The following IL34 variants were observed in gnomAD, a reference collection of about 807,000 sequenced individuals.
IL34 encodes the protein interleukin 34.
In IL34, 17 loss-of-function variants were observed where a neutral mutation model predicts 25.3. The ratio of observed to expected loss-of-function variants is 0.67; its 90% CI spans 0.46 to 1.01. The LOEUF is 1.01. Ranked by LOEUF, IL34 falls within the 50% of genes least tolerant of loss-of-function variation. The probability of loss-of-function intolerance (pLI) is 0.00; values close to 1 mark genes in which losing one functional copy is unlikely to be tolerated. For synonymous variants in IL34, 174 were observed against 140.9 expected, an observed-to-expected ratio of 1.23 and a Z score of -1.66; for missense variants, 368 against 312.9, an observed-to-expected ratio of 1.18 and a Z score of -1.33.
At chr16:70,594,939 C>A (rs986775792) in intron 1 of IL34, among the ~76,000 whole-genome samples, 12 of 145,890 alleles carry the variant, frequency 8.2e-5, no homozygotes, top group African/African-American at 2.2e-4. Context: ...CAATTTATCT[C>A]TCTCTCTCTC....
intron 1 of IL34, among the ~76,000 whole-genome samples, chr16:70,626,450 G>A (rs1461486400): frequency 6.6e-6 from 1 of 151,998 alleles, no homozygotes; most frequent in African/African-American, 2.4e-5. Flanking sequence ...AGGCTGGAAT[G>A]GAATGGTGCA....
Position 70,646,639 on chromosome 16 carries a change from C to A in IL34, c.-309C>A. 1 of 406,220 alleles carries A rather than the reference C, an allele frequency of 2.5e-6. No individual in the cohort carries two copies. Among genetic ancestry groups the A allele is most frequent in the Non-Finnish European group, 4.3e-6 (1 of 230,686 alleles). The allele number at this position is 406,220 out of a possible 1,614,324, so 25.2% of individuals were successfully genotyped here. On this transcript the variant is annotated 5_prime_UTR_variant, in exon 1 of 6. Transcript: ENST00000288098. ...CCGAGGGGCCTGCCAGGGACTCTCT[C>A]CTCCTGCTCCTTGGAAAGGAAGACC...
chr16:70,637,291 C>A (rs1395354598), intron 1 of IL34, among the ~76,000 whole-genome samples: 1 of 152,118 alleles, frequency 6.6e-6, no homozygotes, highest in Admixed American at 6.6e-5. Flanking sequence ...ATCAAAGTTA[C>A]CAAGATTTTG....
intron 4 of IL34, among the ~76,000 whole-genome samples, chr16:70,658,784 A>G (rs752382014): frequency 6.6e-6 from 1 of 152,092 alleles, no homozygotes. Context: ...CAGTCTTTTC[A>G]TGGCCTTCTG....
chr16:70,638,832 T>C (rs2051716336), intron 1 of IL34, among the ~76,000 whole-genome samples: 1 of 152,172 alleles, frequency 6.6e-6, no homozygotes, highest in African/African-American at 2.4e-5. Context: ...TCCTCTTGCC[T>C]CAGCCTCCGA....
chr16:70,625,256 G>A (rs1309317193), intron 1 of IL34, among the ~76,000 whole-genome samples: 1 of 151,464 alleles, frequency 6.6e-6, no homozygotes, highest in Non-Finnish European at 1.5e-5. Context: ...AGTGAAGGAG[G>A]CAAACCCAGA....
chr16:70,657,318 AT>A (rs2052257327), intron 4 of IL34, 197 bp downstream of exon 4: 1 of 598,664 alleles, frequency 1.7e-6, no homozygotes, highest in Admixed American at 3.1e-5. Flanking sequence ...CGTGGTGGTC[AT>A]GAGAGCCGGG....
intron 1 of IL34, among the ~76,000 whole-genome samples, chr16:70,631,282 A>C (rs1192692806): frequency 6.6e-6 from 1 of 152,220 alleles, no homozygotes; most frequent in Admixed American, 6.6e-5. Context: ...GGACAGGGCC[A>C]GTACCCATAG....
At chr16:70,653,450 G>C (rs935962752) in intron 1 of IL34, among the ~76,000 whole-genome samples, 1 of 151,794 alleles carries the variant, frequency 6.6e-6, no homozygotes, top group African/African-American at 2.4e-5. Flanking sequence ...TATAATCCCA[G>C]CACTTTGGGA....
chr16:70,633,484 C>T (rs1175373670), intron 1 of IL34, among the ~76,000 whole-genome samples: 1 of 152,108 alleles, frequency 6.6e-6, no homozygotes, highest in African/African-American at 2.4e-5. Context: ...AGTCTGGTTT[C>T]AAACTTCAGA....
upstream of IL34, among the ~76,000 whole-genome samples, chr16:70,643,043 C>T (rs185645251): frequency 9.6e-4 from 146 of 152,156 alleles, no homozygotes; most frequent in South Asian, 3.7e-3. Flanking sequence ...CAAAGTTGTA[C>T]ACTTTATTAT....
intron 1 of IL34, among the ~76,000 whole-genome samples, chr16:70,653,683 A>AAAAAAG (rs1188343374): frequency 2.0e-5 from 3 of 151,992 alleles, no homozygotes; most frequent in Admixed American, 6.6e-5. Flanking sequence ...GGGTGACCAA[A>AAAAAAG]AAAAAGAAAA....
intron 1 of IL34, among the ~76,000 whole-genome samples, chr16:70,582,924 C>T (rs2151801657): frequency 6.6e-6 from 1 of 152,218 alleles, no homozygotes; most frequent in Non-Finnish European, 1.5e-5. Context: ...AGGAAGCTGG[C>T]ATAGCAGGCC....
At chr16:70,621,220 C>G (rs966933231) in intron 1 of IL34, among the ~76,000 whole-genome samples, 4 of 152,116 alleles carry the variant, frequency 2.6e-5, no homozygotes, top group African/African-American at 9.7e-5. Flanking sequence ...GTCTGACACC[C>G]TTGAAGCGTG....
intron 1 of IL34, among the ~76,000 whole-genome samples, chr16:70,582,028 C>T (rs756823485): frequency 6.6e-6 from 1 of 152,174 alleles, no homozygotes; most frequent in Non-Finnish European, 1.5e-5. Context: ...TAACAAGCAC[C>T]CCTGGAGGCC....
intron 1 of IL34, among the ~76,000 whole-genome samples, chr16:70,620,968 G>A (rs1007420560): frequency 2.0e-5 from 3 of 152,186 alleles, no homozygotes; most frequent in Admixed American, 6.5e-5. Flanking sequence ...ACACGGAGAA[G>A]GGGTGGAGGG....
intron 1 of IL34, among the ~76,000 whole-genome samples, chr16:70,622,997 G>A (rs1175587403): frequency 1.3e-5 from 2 of 152,038 alleles, no homozygotes; most frequent in Non-Finnish European, 2.9e-5. Flanking sequence ...CCATACCTAG[G>A]AAGAAAAGGA....
chr16:70,602,909 T>C (rs1255220596), intron 1 of IL34, among the ~76,000 whole-genome samples: 1 of 152,100 alleles, frequency 6.6e-6, no homozygotes, highest in African/African-American at 2.4e-5. Context: ...GCCTTAGCTT[T>C]GTCCTGGGGG....
At chr16:70,595,769 TG>T (rs1414512420) in intron 1 of IL34, among the ~76,000 whole-genome samples, 5 of 151,786 alleles carry the variant, frequency 3.3e-5, no homozygotes, top group Non-Finnish European at 7.4e-5. Context: ...CCCAGCACTT[TG>T]GGAGGCCGAG....
Sources: gnomAD v4.1 joint callset for allele counts (sites outside exome capture counted in the v4.1 genomes callset) on GRCh38, gnomAD v4.1.1 for gene constraint, MANE v1.5 for transcripts, NCBI Gene and HGNC (gene_info 2026-07-23, HGNC 2026-07-21) for gene names.